Variants in BEST2 observed in about 807,000 individuals in gnomAD.
BEST2 encodes the protein bestrophin-2a.
Under a neutral mutation model 49.0 loss-of-function variants are expected in BEST2, and 36 were observed. That is an observed-to-expected ratio of 0.73 (90% CI 0.56 to 0.97). The LOEUF is 0.97. BEST2 is among the 50% of genes least tolerant of loss of function. The pLI, the probability that BEST2 is intolerant of heterozygous loss-of-function variation, is 0.00. For missense variants in BEST2, 672 were observed against 710.0 expected (o/e 0.95, Z 0.61); for synonymous variants, 335 against 304.4 (o/e 1.10, Z -1.05).
chr19:12,756,333 G>A (rs1386469044), intron 9 of BEST2, 38 bp downstream of exon 9: 1 of 1,606,990 alleles, frequency 6.2e-7, no homozygotes, highest in Admixed American at 1.7e-5. Flanking sequence ...CTGGGGCAGG[G>A]CTTATGGCTC....
At chr19:12,752,482 G>A (rs531522864) in intron 1 of BEST2, 60 bp from the exon 2 acceptor site, 159 of 1,213,854 alleles carry the variant, frequency 1.3e-4, no homozygotes, top group Non-Finnish European at 1.4e-4. Flanking sequence ...GTGGCGGGCC[G>A]GAACATGGGT....
In BEST2 at chr19:12,756,134, C is replaced by A; in HGVS notation, c.949-7C>A. On this transcript the variant is annotated splice_region_variant and splice_polypyrimidine_tract_variant and intron_variant, in intron 8 of 9. Coordinates refer to ENST00000553030, the MANE Select transcript of BEST2 (RefSeq NM_017682.3). The stretch of plus-strand genomic sequence containing the variant: ...CCCCACTTTACCCTGTGTGTTTGCA[C>A]CCGTAGGTGTCCATGCTGGCAGTGG... The A allele has an allele frequency of 1.2e-6, 2 of 1,614,238 alleles. No individual in the cohort carries two copies. The highest frequency in any genetic ancestry group is 1.7e-6 in the Non-Finnish European group (2 of 1,180,042).
At chr19:12,752,288 G>A (rs1449165125) in intron 1 of BEST2, among the ~76,000 whole-genome samples, 4 of 151,762 alleles carry the variant, frequency 2.6e-5, no homozygotes, top group African/African-American at 4.8e-5. Context: ...AGGGTGACTC[G>A]GGAGCTGACT....
At position 12,754,795 on chromosome 19, in the gene BEST2, C is replaced by G. The variant is rs763971437; in HGVS notation, c.481+10C>G. The G allele has an allele frequency of 1.9e-6, 3 of 1,577,672 alleles. No individual in the cohort carries two copies. The highest frequency in any genetic ancestry group is 2.3e-5 in the South Asian group (2 of 86,674). ...CACGTGGTGGAGGCTGGTGAGTACT[C>G]GGCCAGAGGCAGGGCAGAGACCGGG... On this transcript the variant is annotated intron_variant, in intron 4 of 9. Transcript: ENST00000553030.
chr19:12,753,238 A>G, intron 2 of BEST2, 22 bp from the exon 3 acceptor site: 2 of 1,612,292 alleles, frequency 1.2e-6, no homozygotes, highest in South Asian at 2.2e-5. Context: ...GTGACCTGTG[A>G]CCCCTCATCT....
intron 3 of BEST2, among the ~76,000 whole-genome samples, chr19:12,753,813 C>T (rs910203026): frequency 7.9e-5 from 12 of 152,254 alleles, no homozygotes; most frequent in Middle Eastern, 6.8e-3. Context: ...CTGTCCCCAA[C>T]CCCTTCAGAA....
chr19:12,758,373 C>A lies in BEST2; in HGVS notation c.*296C>A. On this transcript the variant is annotated 3_prime_UTR_variant, in exon 10 of 10. Coordinates refer to ENST00000553030, the MANE Select transcript of BEST2 (RefSeq NM_017682.3). ...GTGAAGATGTGACTGACTACCTCCT[C>A]GAGTTGTCATGAGGATGAAAGAATG... is the stretch of plus-strand genomic sequence containing the variant. The A allele has an allele frequency of 2.1e-6, 1 of 486,360 alleles. No individual in the cohort carries two copies. Among genetic ancestry groups the A allele is most frequent in the Non-Finnish European group, 3.6e-6 (1 of 276,202 alleles). The allele number at this position is 486,360 out of a possible 1,614,324, so 30.1% of individuals were successfully genotyped here.
At position 12,754,712 on chromosome 19, in the gene BEST2, C is replaced by G. The variant is rs36032297; in HGVS notation, c.408C>G (p.Ala136=). The G allele has an allele frequency of 1.3e-6, 2 of 1,590,922 alleles. No homozygotes were observed. The highest frequency in any genetic ancestry group is 1.7e-6 in the Non-Finnish European group (2 of 1,168,622). ...TCATGCGCTACGCAGGGCTCTCGGC[C>G]GTGCTCATCCTGCGCTCCGTCAGCA... ...RTLMRYAGLS[A]VLILRSVSTA... The change falls in exon 4 of 10, where the codon GCC becomes GCG. Residue 136 remains alanine, a synonymous_variant. Transcript: ENST00000553030.
At chr19:12,753,494 T>C in intron 3 of BEST2, 140 bp downstream of exon 3, 1 of 751,674 alleles carries the variant, frequency 1.3e-6, no homozygotes, top group East Asian at 2.7e-5. Flanking sequence ...CCACCCATTT[T>C]TGGATCCATA....
chr19:12,754,132 A>G (rs983385759), intron 3 of BEST2, among the ~76,000 whole-genome samples: 2 of 131,280 alleles, frequency 1.5e-5, no homozygotes, highest in Admixed American at 9.0e-5. Flanking sequence ...CTGGAGTGCA[A>G]TGGTGCGATC....
chr19:12,754,273 C>T (rs28368227), intron 3 of BEST2, among the ~76,000 whole-genome samples: 2,849 of 151,874 alleles, frequency 0.019, 84 homozygotes, highest in African/African-American at 0.065. Flanking sequence ...GGAGTTTCAC[C>T]ATGCTGGTCA....
In BEST2 at chr19:12,755,581, A is replaced by G. The variant is rs749201291; in HGVS notation, c.715-34A>G. ...TGCCTAATCCTAGCCTTGGACCCCA[A>G]TGACCCCCCTGAGCCCTGCCCCGCC... On this transcript the variant is annotated intron_variant, in intron 6 of 9. Coordinates refer to ENST00000553030, the MANE Select transcript of BEST2 (RefSeq NM_017682.3). The surrounding 1 kb of genome is among the most constrained non-coding windows in gnomAD (Gnocchi z 4.4). The G allele has an allele frequency of 2.3e-5, 37 of 1,609,604 alleles. No homozygotes were observed. The highest frequency in any genetic ancestry group is 2.2e-4 in the South Asian group (20 of 90,916).
chr19:12,752,665 C>CA lies in BEST2; in HGVS notation c.73_74insA (p.Arg25GlnfsTer46). ...CTTCTCCCAGCTGCTGCTACTGTGG[C>CA]GTGGGAGCATCTACAAACTCCTGTG... On this transcript the variant is annotated frameshift_variant, in exon 2 of 10. Coordinates refer to ENST00000553030, the MANE Select transcript of BEST2 (RefSeq NM_017682.3). LOFTEE classifies it high-confidence loss of function. 1 of 1,612,794 alleles carries CA rather than the reference C, an allele frequency of 6.2e-7. No homozygotes were observed. The highest frequency in any genetic ancestry group is 8.5e-7 in the Non-Finnish European group (1 of 1,179,922).
Position 12,757,917 on chromosome 19 carries a change from T to G in BEST2, c.1370T>G (p.Leu457Arg). 2 of 1,562,312 alleles carry G rather than the reference T, an allele frequency of 1.3e-6. No individual in the cohort carries two copies. Among genetic ancestry groups the G allele is most frequent in the East Asian group, 2.3e-5 (1 of 42,556 alleles). Residue 457 changes from leucine (L) to arginine (R), a missense_variant, in exon 10 of 10, where the codon CTG becomes CGG. Physicochemically the swap from Leu to Arg is moderately radical, Grantham distance 102. This residue lies in a region of BEST2 where 291 missense variants were observed against 279.8 expected (regional missense o/e 1.04). Coordinates refer to ENST00000553030, the MANE Select transcript of BEST2 (RefSeq NM_017682.3). ...SCGDPLLDPG[L>R]PEPEAPPPAG... The stretch of plus-strand genomic sequence containing the variant: ...GGGGACCCGCTGCTCGACCCCGGCC[T>G]GCCGGAGCCCGAGGCCCCGCCCCCT...
At chr19:12,756,377 A>G in intron 9 of BEST2, 82 bp downstream of exon 9, 1 of 1,532,924 alleles carries the variant, frequency 6.5e-7, no homozygotes, top group Non-Finnish European at 8.9e-7. Context: ...GGTTAAGTGG[A>G]ATCAATTCTG....
rs754484727 is a variant in BEST2, at chr19:12,754,938, C to G, written c.543C>G (p.Tyr181Ter). ...FENLNSSYNK[Y>*]WVPCVWFSNL... Reference sequence around the variant, plus strand: ...ACCTGAACTCATCCTACAACAAGTACTGGGTGCCCTGCGTCTGGTTCTCCA... The same window carrying G: ...ACCTGAACTCATCCTACAACAAGTAGTGGGTGCCCTGCGTCTGGTTCTCCA... Residue 181 changes from tyrosine to a stop codon, truncating the protein, a stop_gained, in exon 5 of 10, where the codon TAC becomes TAG. Coordinates refer to ENST00000553030, the MANE Select transcript of BEST2 (RefSeq NM_017682.3). LOFTEE classifies it high-confidence loss of function. The G allele has an allele frequency of 6.2e-7, 1 of 1,613,944 alleles. No individual in the cohort carries two copies. Among genetic ancestry groups the G allele is most frequent in the East Asian group, 2.2e-5 (1 of 44,886 alleles).
rs1967969728 is a variant in BEST2, at chr19:12,758,176, G to A, written c.*99G>A. 2.9e-6 allele frequency: 4 copies of A among 1,379,648 alleles called. No homozygotes were observed. The highest frequency in any genetic ancestry group is 4.0e-6 in the Non-Finnish European group (4 of 1,012,308). The allele number at this position is 1,379,648 out of a possible 1,614,324, so 85.5% of individuals were successfully genotyped here. ...CATAAGCCTCGTGTGCCTTTGTAAA[G>A]TCCACCTACACTTTTGACCAGCTCT... On this transcript the variant is annotated 3_prime_UTR_variant, in exon 10 of 10. Transcript: ENST00000553030.
At chr19:12,753,719 G>A (rs1320460181) in intron 3 of BEST2, among the ~76,000 whole-genome samples, 1 of 152,030 alleles carries the variant, frequency 6.6e-6, no homozygotes, top group Admixed American at 6.6e-5. Context: ...CTCAATTCCA[G>A]CCTGGGGGCA....
At chr19:12,756,391 A>G in intron 9 of BEST2, 96 bp downstream of exon 9, 1 of 1,480,006 alleles carries the variant, frequency 6.8e-7, no homozygotes. Flanking sequence ...AATTCTGGAG[A>G]TGGGGATAAG....
Sources: allele counts gnomAD v4.1 joint callset (sites outside exome capture counted in the v4.1 genomes callset), GRCh38; gene constraint gnomAD v4.1.1; regional missense constraint gnomAD v4.1.1; non-coding constraint Gnocchi (gnomAD v3.1); transcripts MANE v1.5; gene names NCBI Gene and HGNC (gene_info 2026-07-23, HGNC 2026-07-21).